SYTL3: variants seen among roughly 807,000 people sequenced by gnomAD.
SYTL3 encodes the protein synaptotagmin like 3.
SYTL3 carries 88 observed loss-of-function variants against 82.1 expected under a neutral mutation model. That is an observed-to-expected ratio of 1.07 (90% CI 0.90 to 1.28). SYTL3 has a LOEUF of 1.28. Ranked by LOEUF, SYTL3 falls within the 50% of genes most tolerant of loss-of-function variation. SYTL3 has a pLI of 0.00. For missense variants in SYTL3, 831 were observed against 757.6 expected (o/e 1.10, Z -1.14); for synonymous variants, 311 against 289.4 (o/e 1.07, Z -0.76).
intron 6 of SYTL3, among the ~76,000 whole-genome samples, chr6:158,693,041 C>T (rs963680839): frequency 1.3e-5 from 2 of 152,166 alleles, no homozygotes; most frequent in African/African-American, 2.4e-5. Flanking sequence ...TTGGTTTGCT[C>T]AGTAAACACC....
chr6:158,758,517 C>T (rs1478487339), intron 14 of SYTL3, among the ~76,000 whole-genome samples: 1 of 152,172 alleles, frequency 6.6e-6, no homozygotes, highest in Non-Finnish European at 1.5e-5. Flanking sequence ...CTGCTCCGAC[C>T]TGGACATAAG....
intron 12 of SYTL3, among the ~76,000 whole-genome samples, chr6:158,746,162 C>G (rs1467734128): frequency 6.6e-6 from 1 of 151,980 alleles, no homozygotes; most frequent in African/African-American, 2.4e-5. Flanking sequence ...TTCATGAGGG[C>G]TGCACCCTCA....
At chr6:158,689,376 C>A (rs1053007509) in intron 6 of SYTL3, among the ~76,000 whole-genome samples, 1 of 152,128 alleles carries the variant, frequency 6.6e-6, no homozygotes. Context: ...CATCTCATCA[C>A]GAATAAGATT....
upstream of SYTL3, among the ~76,000 whole-genome samples, chr6:158,649,772 G>C (rs1404344843): frequency 6.6e-6 from 1 of 152,250 alleles, no homozygotes; most frequent in East Asian, 1.9e-4. Context: ...TGTAGTCTCT[G>C]TAGGGAGTTT....
At position 158,752,065 on chromosome 6, in the gene SYTL3, T is replaced by C. The variant is rs778530078; in HGVS notation, c.1137+35T>C. The C allele has an allele frequency of 8.1e-6, 12 of 1,490,490 alleles. No homozygotes were observed. The Admixed American group carries it at 9.5e-5, about 12-fold the overall frequency. The allele number at this position is 1,490,490 out of a possible 1,614,324, so 92.3% of individuals were successfully genotyped here. ...GGACAGATATTCCTGTGCAGAGTCC[T>C]CCCGAGCCCGGGTGGAGCGCCTGGG... On this transcript the variant is annotated intron_variant, in intron 13 of 17. Transcript: ENST00000611299.
At chr6:158,744,249 TC>T (rs1787305007) in intron 11 of SYTL3, among the ~76,000 whole-genome samples, 1 of 151,168 alleles carries the variant, frequency 6.6e-6, no homozygotes, top group Admixed American at 6.6e-5. Flanking sequence ...ATTTTATCTT[TC>T]CCTTGTGGTT....
chr6:158,694,451 C>T (rs1398643391), intron 6 of SYTL3, among the ~76,000 whole-genome samples: 2 of 152,034 alleles, frequency 1.3e-5, no homozygotes, highest in South Asian at 2.1e-4. Flanking sequence ...CACACCACCA[C>T]GCCCAGTTAG....
At chr6:158,758,046 C>T (rs1052742407) in intron 14 of SYTL3, among the ~76,000 whole-genome samples, 16 of 152,156 alleles carry the variant, frequency 1.1e-4, no homozygotes, top group African/African-American at 3.1e-4. Context: ...TTCTCGGAGA[C>T]GCTGCTTTGT....
chr6:158,679,053 G>A (rs537920562), intron 5 of SYTL3, among the ~76,000 whole-genome samples: 49 of 152,146 alleles, frequency 3.2e-4, no homozygotes, highest in Non-Finnish European at 6.2e-4. Flanking sequence ...GACTCTAAGG[G>A]CAGTGAGTGG....
intron 11 of SYTL3, among the ~76,000 whole-genome samples, chr6:158,731,203 G>T (rs1022090152): frequency 2.6e-5 from 4 of 151,842 alleles, no homozygotes; most frequent in Admixed American, 6.6e-5. Context: ...AGAATAGCTT[G>T]AACCCGGGAG....
rs1240247969 is a variant in SYTL3, at chr6:158,665,650, T to G, written c.329+37T>G. On this transcript the variant is annotated intron_variant, in intron 5 of 17. Coordinates refer to ENST00000611299, the MANE Select transcript of SYTL3 (RefSeq NM_001242394.2). The stretch of plus-strand genomic sequence containing the variant: ...CGGTGGTTGGATCCCTCCCACTGAT[T>G]CAGGTCTCGGAGGAGGCCTCTTTAC... 4.7e-6 allele frequency: 7 copies of G among 1,481,306 alleles called. No individual in the cohort carries two copies. The African/African-American group carries it at 8.4e-5, about 18-fold the overall frequency. The allele number at this position is 1,481,306 out of a possible 1,614,324, so 91.8% of individuals were successfully genotyped here.
At chr6:158,728,279 G>A (rs1165040634) in intron 11 of SYTL3, among the ~76,000 whole-genome samples, 1 of 151,876 alleles carries the variant, frequency 6.6e-6, no homozygotes, top group South Asian at 2.1e-4. Context: ...ATGGTGTAAG[G>A]TAGAGATTGG....
chr6:158,760,408 C>G (rs750614184), intron 14 of SYTL3, among the ~76,000 whole-genome samples: 3 of 152,184 alleles, frequency 2.0e-5, no homozygotes, highest in Non-Finnish European at 4.4e-5. Flanking sequence ...TCATCTGGCT[C>G]TGGTTCGCTG....
chr6:158,712,751 C>CT (rs1782897631), intron 8 of SYTL3, among the ~76,000 whole-genome samples: 1 of 140,476 alleles, frequency 7.1e-6, no homozygotes, highest in South Asian at 2.3e-4. Context: ...TTTTTCTTTT[C>CT]TTTCTTTCTT....
intron 11 of SYTL3, among the ~76,000 whole-genome samples, chr6:158,743,142 T>A (rs908399271): frequency 1.3e-5 from 2 of 152,182 alleles, no homozygotes; most frequent in African/African-American, 4.8e-5. Flanking sequence ...GTCCAGCCCT[T>A]GGACGTGCAG....
chr6:158,677,878 TTTG>T (rs558340412), intron 5 of SYTL3, among the ~76,000 whole-genome samples: 14 of 151,890 alleles, frequency 9.2e-5, no homozygotes, highest in South Asian at 2.1e-4. Flanking sequence ...TGCTGCTGCT[TTTG>T]TTGTTGTTGT....
intron 2 of SYTL3, among the ~76,000 whole-genome samples, chr6:158,659,537 T>G (rs898432348): frequency 6.6e-6 from 1 of 152,176 alleles, no homozygotes; most frequent in African/African-American, 2.4e-5. Context: ...GTATTTTTAG[T>G]AGAGACAGGG....
At chr6:158,723,089 CTTTTTTTTTTT>C (rs745395918) in intron 10 of SYTL3, among the ~76,000 whole-genome samples, 1 of 89,862 alleles carries the variant, frequency 1.1e-5, no homozygotes, top group Admixed American at 1.2e-4. Flanking sequence ...AACAGCTACT[CTTTTTTTTTTT>C]TTTTTTTTTT....
intron 11 of SYTL3, among the ~76,000 whole-genome samples, chr6:158,729,418 G>A (rs943908146): frequency 6.6e-6 from 1 of 152,008 alleles, no homozygotes; most frequent in Non-Finnish European, 1.5e-5. Flanking sequence ...ATTCACTAGA[G>A]CCCCACCCTC....
Sources: allele counts gnomAD v4.1 joint callset (sites outside exome capture counted in the v4.1 genomes callset), GRCh38; gene constraint gnomAD v4.1.1; transcripts MANE v1.5; gene names NCBI Gene and HGNC (gene_info 2026-07-23, HGNC 2026-07-21).